FER: variants seen among roughly 807,000 people sequenced by gnomAD.
The protein encoded by FER is FER tyrosine kinase.
FER carries 63 observed loss-of-function variants against 111.0 expected under a neutral mutation model. The observed-to-expected ratio is 0.57, with a 90% CI of 0.46 to 0.70. The LOEUF is 0.70. Among genes scored for constraint, FER ranks in the 30% least tolerant of loss-of-function variants. The pLI is 0.00. For synonymous variants in FER, 327 were observed against 313.9 expected (o/e 1.04, Z -0.44); for missense variants, 914 against 954.0 (o/e 0.96, Z 0.55).
At chr5:109,159,492 A>G (rs573240802) in intron 17 of FER, among the ~76,000 whole-genome samples, 1 of 152,296 alleles carries the variant, frequency 6.6e-6, no homozygotes, top group East Asian at 1.9e-4. Flanking sequence ...TGAAGTAGTT[A>G]TTTTCTTTAA....
chr5:108,927,671 G>A (rs368613775), intron 10 of FER, among the ~76,000 whole-genome samples: 7 of 152,212 alleles, frequency 4.6e-5, no homozygotes, highest in African/African-American at 1.4e-4. Flanking sequence ...GCTCATTGTC[G>A]AAATCTTTGG....
rs1221753518 is a variant in FER at position 109,192,910 on chromosome 5, G to C, written c.*5335G>C. The C allele has an allele frequency of 2.0e-5, 3 of 152,074 alleles. No homozygotes were observed. The highest frequency in any genetic ancestry group is 4.4e-5 in the Non-Finnish European group (3 of 68,012). The allele number at this position is 152,074 out of a possible 1,614,324, so 9.4% of individuals were successfully genotyped here. A position where few individuals can be genotyped will look rare whatever the true frequency, so the allele number is the denominator to read the frequency against. ...ATCTAGAAATCCTAAAGCTTAGTCAGGGTGCCTAAGGTAAGACACAAAAAG... is the reference window on the plus strand; with the variant it reads ...ATCTAGAAATCCTAAAGCTTAGTCACGGTGCCTAAGGTAAGACACAAAAAG... On this transcript the variant is annotated 3_prime_UTR_variant, in exon 20 of 20. Transcript: ENST00000281092.
At chr5:108,799,950 C>G (rs1756452599) in intron 3 of FER, among the ~76,000 whole-genome samples, 1 of 150,698 alleles carries the variant, frequency 6.6e-6, no homozygotes, top group South Asian at 2.1e-4. Context: ...TCAGGTGATT[C>G]TTGTGTCTCC....
At chr5:109,064,629 A>T (rs1774858872) in intron 16 of FER, among the ~76,000 whole-genome samples, 1 of 152,156 alleles carries the variant, frequency 6.6e-6, no homozygotes, top group Non-Finnish European at 1.5e-5. Flanking sequence ...TATTACTCGT[A>T]GGCTTTTTAT....
intron 1 of FER, among the ~76,000 whole-genome samples, chr5:108,766,187 C>T (rs113524613): frequency 6.6e-6 from 1 of 152,150 alleles, no homozygotes; most frequent in East Asian, 1.9e-4. Flanking sequence ...CTGCCTTGGC[C>T]TCCCAAAGTG....
At chr5:108,964,106 AAT>A (rs1561686292) in intron 13 of FER, among the ~76,000 whole-genome samples, 2 of 152,102 alleles carry the variant, frequency 1.3e-5, no homozygotes, top group African/African-American at 2.4e-5. Flanking sequence ...AGGAATGAAA[AAT>A]ATATGTGATT....
At chr5:108,802,021 T>C (rs1393819661) in intron 3 of FER, among the ~76,000 whole-genome samples, 1 of 152,220 alleles carries the variant, frequency 6.6e-6, no homozygotes, top group Non-Finnish European at 1.5e-5. Flanking sequence ...TTCATCATAC[T>C]ACTCAGAGCG....
chr5:109,033,344 AG>A (rs1315400926), intron 13 of FER, among the ~76,000 whole-genome samples: 5 of 152,192 alleles, frequency 3.3e-5, no homozygotes, highest in African/African-American at 1.2e-4. Flanking sequence ...GCTCTGGAGC[AG>A]TTGTTAAGGA....
At chr5:108,919,393 G>A (rs1752726018) in intron 10 of FER, among the ~76,000 whole-genome samples, 6 of 151,046 alleles carry the variant, frequency 4.0e-5, no homozygotes, top group Admixed American at 4.0e-4. Context: ...TGGAGGGAGG[G>A]TTTTTCTAAA....
intron 2 of FER, among the ~76,000 whole-genome samples, chr5:108,781,026 T>A (rs2149994988): frequency 6.6e-6 from 1 of 152,350 alleles, no homozygotes; most frequent in Admixed American, 6.5e-5. Context: ...AATTTTCATT[T>A]CTCTGCTTAC....
At chr5:109,136,209 C>T (rs2126605387) in intron 17 of FER, among the ~76,000 whole-genome samples, 1 of 152,112 alleles carries the variant, frequency 6.6e-6, no homozygotes, top group Non-Finnish European at 1.5e-5. Context: ...GGGAGAATCA[C>T]TTGAAGCCAG....
chr5:108,758,941 A>G (rs1479550723), intron 1 of FER, among the ~76,000 whole-genome samples: 4 of 152,160 alleles, frequency 2.6e-5, no homozygotes, highest in African/African-American at 9.7e-5. Flanking sequence ...CATTGTGTAA[A>G]TTTCTTGCTT....
intron 17 of FER, among the ~76,000 whole-genome samples, chr5:109,146,288 A>G (rs904385737): frequency 8.7e-6 from 1 of 115,436 alleles, no homozygotes; most frequent in Non-Finnish European, 1.8e-5. Flanking sequence ...ATATATATAT[A>G]TATCTTGGGT....
chr5:109,167,986 T>C (rs1756729970), intron 17 of FER, among the ~76,000 whole-genome samples: 1 of 152,074 alleles, frequency 6.6e-6, no homozygotes, highest in Non-Finnish European at 1.5e-5. Context: ...GAGCAAGAGA[T>C]GACACTGTCT....
intron 5 of FER, among the ~76,000 whole-genome samples, chr5:108,847,149 T>G (rs984220119): frequency 1.5e-4 from 22 of 149,986 alleles, no homozygotes; most frequent in African/African-American, 5.1e-4. Context: ...CTAAAGTTCC[T>G]TAAATACTTT....
chr5:108,793,526 GGT>G (rs1491195052), intron 2 of FER, among the ~76,000 whole-genome samples: 32 of 135,604 alleles, frequency 2.4e-4, no homozygotes, highest in African/African-American at 9.3e-4. Context: ...GGGCGGGGGG[GGT>G]GGTTATATAC....
intron 17 of FER, among the ~76,000 whole-genome samples, chr5:109,121,682 C>T (rs1441605399): frequency 1.3e-5 from 2 of 151,900 alleles, no homozygotes; most frequent in African/African-American, 2.4e-5. Context: ...TAATATTTTT[C>T]TTTAAATGTT....
At chr5:108,800,337 G>A (rs1756498341) in intron 3 of FER, among the ~76,000 whole-genome samples, 1 of 152,024 alleles carries the variant, frequency 6.6e-6, no homozygotes, top group Admixed American at 6.6e-5. Flanking sequence ...AGAAAATCAA[G>A]GAGTATGTCA....
intron 4 of FER, among the ~76,000 whole-genome samples, chr5:108,833,538 A>G (rs1198862989): frequency 3.3e-5 from 5 of 151,502 alleles, no homozygotes; most frequent in African/African-American, 1.2e-4. Flanking sequence ...TTTTATCCAT[A>G]AATATTTTAG....
Sources: allele counts gnomAD v4.1 joint callset (sites outside exome capture counted in the v4.1 genomes callset), GRCh38; gene constraint gnomAD v4.1.1; transcripts MANE v1.5; gene names NCBI Gene and HGNC (gene_info 2026-07-23, HGNC 2026-07-21).